CGGBP1: variants seen among roughly 807,000 people sequenced by gnomAD.
The protein encoded by CGGBP1 is CGG triplet repeat-binding protein 1.
CGGBP1 carries 4 observed loss-of-function variants against 11.4 expected under a neutral mutation model. The observed-to-expected ratio is 0.35, with a 90% CI of 0.17 to 0.80. CGGBP1 has a LOEUF of 0.80. Among genes scored for constraint, CGGBP1 ranks in the 30% least tolerant of loss-of-function variants. The pLI, the probability that CGGBP1 is intolerant of heterozygous loss-of-function variation, is 0.52. For missense variants in CGGBP1, 135 were observed against 202.1 expected, an observed-to-expected ratio of 0.67 and a Z score of 2.01; for synonymous variants, 76 against 74.1, an observed-to-expected ratio of 1.03 and a Z score of -0.13.
At chr3:88,111,079 G>A (rs1705063274) in intron 2 of CGGBP1, among the ~76,000 whole-genome samples, 1 of 151,964 alleles carries the variant, frequency 6.6e-6, no homozygotes, top group African/African-American at 2.4e-5. Context: ...GATAATAACT[G>A]CTGTGTTGAA....
chr3:88,125,972 C>T (rs945743908), intron 2 of CGGBP1, among the ~76,000 whole-genome samples: 3 of 152,100 alleles, frequency 2.0e-5, no homozygotes, highest in Non-Finnish European at 4.4e-5. Context: ...TATTTGTGTT[C>T]ATGGGGTTTC....
chr3:88,109,663 C>A (rs539171425), intron 2 of CGGBP1, among the ~76,000 whole-genome samples: 1 of 152,176 alleles, frequency 6.6e-6, no homozygotes, highest in South Asian at 2.1e-4. Flanking sequence ...TTTAAATCTG[C>A]GTTATTCAAG....
chr3:88,063,081 C>T (rs943271161), upstream of CGGBP1, among the ~76,000 whole-genome samples: 1 of 151,982 alleles, frequency 6.6e-6, no homozygotes, highest in Admixed American at 6.6e-5. Flanking sequence ...ATTTTGTTTC[C>T]CTTAGGAGAC....
At chr3:88,140,674 T>G in intron 2 of CGGBP1, 1 of 1,613,642 alleles carries the variant, frequency 6.2e-7, no homozygotes, top group Non-Finnish European at 8.5e-7. Context: ...ACAAACAGAA[T>G]CAGGACAGAA....
In CGGBP1 at chr3:88,052,218, G is replaced by A. The variant is rs1280441937; in HGVS notation, c.*3255C>T. On this transcript the variant is annotated 3_prime_UTR_variant, in exon 4 of 4. Transcript: ENST00000482016. ...ATTTACCTAAGAAATCTATGATAGT[G>A]TGGGTGGAGATAAACCAGTTTAGGA... 6.6e-6 allele frequency: 1 copy of A among 152,634 alleles called. No homozygotes were observed. Among genetic ancestry groups the A allele is most frequent in the African/African-American group, 2.4e-5 (1 of 41,448 alleles). 9.5% of individuals were successfully genotyped at this position (152,634 alleles called of 1,614,324 possible).
chr3:88,083,625 C>T (rs894810217), intron 2 of CGGBP1, among the ~76,000 whole-genome samples: 4 of 152,158 alleles, frequency 2.6e-5, no homozygotes, highest in African/African-American at 9.7e-5. Context: ...AGGGTTTCCA[C>T]GATCCATAAA....
At chr3:88,119,286 CA>C (rs1352403017) in intron 2 of CGGBP1, among the ~76,000 whole-genome samples, 1 of 145,530 alleles carries the variant, frequency 6.9e-6, no homozygotes, top group Non-Finnish European at 1.5e-5. Context: ...ATCGCAAGAA[CA>C]AAAAACCAAA....
chr3:88,137,652 C>T (rs1202681003), intron 2 of CGGBP1, among the ~76,000 whole-genome samples: 6 of 151,894 alleles, frequency 4.0e-5, no homozygotes, highest in Non-Finnish European at 5.9e-5. Context: ...GGGCAGAGAC[C>T]AGGATAAGTG....
intron 1 of CGGBP1, chr3:88,141,090 GA>G: frequency 6.5e-7 from 1 of 1,529,794 alleles, no homozygotes. Flanking sequence ...TGTAGAAAGA[GA>G]AAATGGCATA....
At chr3:88,064,990 A>C (rs1231085212) in intron 2 of CGGBP1, among the ~76,000 whole-genome samples, 3 of 152,258 alleles carry the variant, frequency 2.0e-5, no homozygotes, top group East Asian at 3.8e-4. Context: ...GAAATAATTT[A>C]ATTGCACTGA....
At chr3:88,139,987 C>T (rs1350276550) in intron 2 of CGGBP1, 5 of 1,613,734 alleles carry the variant, frequency 3.1e-6, no homozygotes, top group Non-Finnish European at 4.2e-6. Context: ...GTACATCCAA[C>T]CGATTTAAAT....
rs1706470193 is a variant in CGGBP1 at position 88,053,368 on chromosome 3, G to T, written c.*2105C>A. The T allele has an allele frequency of 6.6e-6, 1 of 152,148 alleles. No individual in the cohort carries two copies. Among genetic ancestry groups the T allele is most frequent in the Non-Finnish European group, 1.5e-5 (1 of 67,978 alleles). 9.4% of individuals were successfully genotyped at this position (152,148 alleles called of 1,614,324 possible). A position where few individuals can be genotyped will look rare whatever the true frequency, so the allele number is the denominator to read the frequency against. On this transcript the variant is annotated 3_prime_UTR_variant, in exon 4 of 4. Coordinates refer to ENST00000482016, the MANE Select transcript of CGGBP1 (RefSeq NM_001008390.2). ...CTAAGGAGAGGATATAATCCTAACAGAATGGACTATGCCCCTAGTTACAGT... is the reference window on the plus strand; with the variant it reads ...CTAAGGAGAGGATATAATCCTAACATAATGGACTATGCCCCTAGTTACAGT...
intron 3 of CGGBP1, chr3:88,056,569 CAAT>C (rs1220378264): frequency 6.6e-6 from 1 of 151,544 alleles, no homozygotes; most frequent in Non-Finnish European, 1.5e-5. Context: ...CTAAAAGCAA[CAAT>C]GACATTAAAT....
intron 1 of CGGBP1, among the ~76,000 whole-genome samples, chr3:88,146,780 C>T (rs946819217): frequency 3.9e-5 from 6 of 152,096 alleles, no homozygotes; most frequent in Non-Finnish European, 8.8e-5. Context: ...TTGATTTAAT[C>T]CTTCCTAAGC....
intron 2 of CGGBP1, among the ~76,000 whole-genome samples, chr3:88,137,161 C>A (rs1706840708): frequency 7.6e-6 from 1 of 131,392 alleles, no homozygotes; most frequent in East Asian, 2.4e-4. Flanking sequence ...TGCCATTCTA[C>A]TCCAGCCTGG....
intron 2 of CGGBP1, among the ~76,000 whole-genome samples, chr3:88,107,457 A>G (rs978278215): frequency 7.2e-5 from 11 of 152,106 alleles, no homozygotes; most frequent in Admixed American, 5.9e-4. Context: ...ATAGTTTATT[A>G]TGATTAGCTA....
At chr3:88,140,581 G>T (rs756158315) in intron 2 of CGGBP1, 3 of 1,613,708 alleles carry the variant, frequency 1.9e-6, no homozygotes, top group East Asian at 2.2e-5. Context: ...GAAAATAATT[G>T]TAGTAGTAGT....
Position 88,055,537 on chromosome 3 carries a change from C to T in CGGBP1, c.440G>A (p.Arg147Gln), listed in dbSNP as rs1313148412. ...ATATCCATCAGGAAGATATGCCCTC[C>T]GTAGCTGGTCTGACTTAGGTATGGA... ...GGSIPKSDQL[R>Q]RAYLPDGYEN... The change falls in exon 4 of 4, where the codon CGG becomes CAG. Residue 147 changes from arginine (R) to glutamine (Q), a missense_variant. By Grantham distance (43) the Arg-to-Gln change is conservative (BLOSUM62 1). Transcript: ENST00000482016. This position sits in a 1 kb window ranked among gnomAD's most constrained non-coding sequence, Gnocchi z 4.2. The T allele has an allele frequency of 5.7e-6, 9 of 1,579,716 alleles. No individual in the cohort carries two copies. The highest frequency in any genetic ancestry group is 6.9e-6 in the Non-Finnish European group (8 of 1,159,026).
At chr3:88,139,031 C>T (rs945525178) in intron 2 of CGGBP1, 198 of 1,242,932 alleles carry the variant, frequency 1.6e-4, no homozygotes, top group Non-Finnish European at 2.0e-4. Context: ...TTTGGAACTT[C>T]GTAATGATTA....
Sources: allele counts gnomAD v4.1 joint callset (sites outside exome capture counted in the v4.1 genomes callset), GRCh38; gene constraint gnomAD v4.1.1; non-coding constraint Gnocchi (gnomAD v3.1); transcripts MANE v1.5; gene names NCBI Gene and HGNC (gene_info 2026-07-23, HGNC 2026-07-21).